The following CTNNBL1 variants were observed in gnomAD, a reference collection of about 807,000 sequenced individuals.
The protein encoded by CTNNBL1 is beta-catenin-like protein 1.
In CTNNBL1, 31 loss-of-function variants were observed where a neutral mutation model predicts 72.7. The ratio of observed to expected loss-of-function variants is 0.43; its 90% CI spans 0.32 to 0.58. The LOEUF is 0.58. Among genes scored for constraint, CTNNBL1 ranks in the 20% least tolerant of loss-of-function variants. CTNNBL1 has a pLI of 0.08. For synonymous variants in CTNNBL1, 240 were observed against 267.3 expected, an observed-to-expected ratio of 0.90 and a Z score of 1.00; for missense variants, 534 against 725.1, an observed-to-expected ratio of 0.74 and a Z score of 3.03.
chr20:37,721,547 C>T (rs1300571461), intron 1 of CTNNBL1, among the ~76,000 whole-genome samples: 1 of 152,148 alleles, frequency 6.6e-6, no homozygotes. Context: ...TGTGCATAAT[C>T]ACACCATTTT....
At chr20:37,704,113 G>A (rs2072866346) in intron 1 of CTNNBL1, among the ~76,000 whole-genome samples, 1 of 152,168 alleles carries the variant, frequency 6.6e-6, no homozygotes, top group African/African-American at 2.4e-5. Flanking sequence ...AGGCTCATGA[G>A]CACAGAGCCT....
At chr20:37,840,350 T>A in intron 12 of CTNNBL1, 151 bp downstream of exon 12, 2 of 620,328 alleles carry the variant, frequency 3.2e-6, no homozygotes, top group Admixed American at 5.4e-5. Context: ...TCAAAGGCTC[T>A]TCTGGTTATT....
chr20:37,860,385 A>C lies in CTNNBL1; in HGVS notation c.1603+41A>C, dbSNP rs1188079037. 4 of 1,454,758 alleles carry C rather than the reference A, an allele frequency of 2.7e-6. No individual in the cohort carries two copies. The Admixed American group carries it at 6.7e-5, about 24-fold the overall frequency. The allele number at this position is 1,454,758 out of a possible 1,614,324, so 90.1% of individuals were successfully genotyped here. On this transcript the variant is annotated intron_variant, in intron 15 of 15. Coordinates refer to ENST00000361383, the MANE Select transcript of CTNNBL1 (RefSeq NM_030877.5). ...CTCATGTCTGGGGCTCCAGAGGATT[A>C]GATGATGCTTACTTTCTGAGCCTCT...
intron 10 of CTNNBL1, among the ~76,000 whole-genome samples, chr20:37,789,693 A>G (rs1568781631): frequency 6.6e-6 from 1 of 152,240 alleles, no homozygotes; most frequent in Non-Finnish European, 1.5e-5. Flanking sequence ...AGGTTTAATT[A>G]TAGCCTGCAC....
At chr20:37,731,952 T>C (rs907806970) in intron 1 of CTNNBL1, among the ~76,000 whole-genome samples, 4 of 152,256 alleles carry the variant, frequency 2.6e-5, no homozygotes, top group Non-Finnish European at 5.9e-5. Flanking sequence ...CTGGATCATA[T>C]GATAATTCTA....
At chr20:37,786,919 T>A (rs16986932) in intron 10 of CTNNBL1, among the ~76,000 whole-genome samples, 2 of 152,186 alleles carry the variant, frequency 1.3e-5, no homozygotes, top group Non-Finnish European at 2.9e-5. Flanking sequence ...GGCCTTATAC[T>A]TGGGTAGTTT....
At chr20:37,789,391 A>G (rs541364853) in intron 10 of CTNNBL1, among the ~76,000 whole-genome samples, 1 of 152,366 alleles carries the variant, frequency 6.6e-6, no homozygotes, top group Admixed American at 6.5e-5. Flanking sequence ...ACATGAATGA[A>G]GTGGTAGTTT....
chr20:37,829,625 GCTTT>G (rs1350476462), intron 11 of CTNNBL1, among the ~76,000 whole-genome samples: 1 of 152,042 alleles, frequency 6.6e-6, no homozygotes, highest in African/African-American at 2.4e-5. Flanking sequence ...CGTATCCTGT[GCTTT>G]CTAATTTAAT....
chr20:37,797,027 T>C (rs967443792), intron 10 of CTNNBL1, among the ~76,000 whole-genome samples: 3 of 152,220 alleles, frequency 2.0e-5, no homozygotes, highest in Non-Finnish European at 4.4e-5. Flanking sequence ...GAGCTGATGG[T>C]GCACATCTCT....
intron 13 of CTNNBL1, among the ~76,000 whole-genome samples, chr20:37,858,801 G>A (rs1157058540): frequency 2.0e-5 from 3 of 152,092 alleles, no homozygotes; most frequent in Admixed American, 2.0e-4. Flanking sequence ...AGAGGTCTAG[G>A]GTTACAAAGG....
intron 4 of CTNNBL1, among the ~76,000 whole-genome samples, chr20:37,747,378 CAAAAAAAAAAA>C (rs11476313): frequency 2.3e-5 from 1 of 42,928 alleles, no homozygotes; most frequent in African/African-American, 7.7e-5. Context: ...GACTCCATCT[CAAAAAAAAAAA>C]AAAAAAAAAA....
At chr20:37,751,785 T>A (rs765288657) in intron 4 of CTNNBL1, 1 of 152,192 alleles carries the variant, frequency 6.6e-6, no homozygotes, top group Non-Finnish European at 1.5e-5. Flanking sequence ...GGGAGGGAGT[T>A]GGTATTTGCT....
intron 3 of CTNNBL1, 29 bp downstream of exon 3, chr20:37,737,513 C>G (rs1196935644): frequency 6.8e-7 from 1 of 1,465,188 alleles, no homozygotes; most frequent in Non-Finnish European, 9.5e-7. Context: ...GATACCATGT[C>G]TCCTCTGTGG....
chr20:37,816,853 A>T (rs1002262488), intron 11 of CTNNBL1, among the ~76,000 whole-genome samples: 1 of 151,856 alleles, frequency 6.6e-6, no homozygotes, highest in Non-Finnish European at 1.5e-5. Context: ...TGTCTATGTT[A>T]AGTATGCCTG....
intron 13 of CTNNBL1, among the ~76,000 whole-genome samples, chr20:37,857,416 C>G (rs548156247): frequency 6.6e-6 from 1 of 152,208 alleles, no homozygotes; most frequent in Non-Finnish European, 1.5e-5. Flanking sequence ...CAACACCCCC[C>G]AGGCCAAAGC....
chr20:37,817,652 C>T (rs1004598706), intron 11 of CTNNBL1, among the ~76,000 whole-genome samples: 1 of 152,170 alleles, frequency 6.6e-6, no homozygotes, highest in Non-Finnish European at 1.5e-5. Flanking sequence ...AGACGAATCA[C>T]CTGGAGATCT....
chr20:37,868,619 C>T (rs555870843), intron 15 of CTNNBL1, among the ~76,000 whole-genome samples: 2 of 152,284 alleles, frequency 1.3e-5, no homozygotes, highest in East Asian at 3.9e-4. Context: ...CTGTTTGCTT[C>T]TTAGCACAGT....
chr20:37,788,984 C>T (rs188501749), intron 10 of CTNNBL1, among the ~76,000 whole-genome samples: 17 of 152,246 alleles, frequency 1.1e-4, no homozygotes, highest in Admixed American at 4.6e-4. Flanking sequence ...TTGTTTTTCT[C>T]TCTTTGCCAA....
At chr20:37,743,990 C>T (rs2073241025) in intron 3 of CTNNBL1, among the ~76,000 whole-genome samples, 1 of 151,636 alleles carries the variant, frequency 6.6e-6, no homozygotes, top group African/African-American at 2.4e-5. Context: ...GAAAAAAAAA[C>T]CTTTATGTCA....
Sources: allele counts gnomAD v4.1 joint callset (sites outside exome capture counted in the v4.1 genomes callset), GRCh38; gene constraint gnomAD v4.1.1; transcripts MANE v1.5; gene names NCBI Gene and HGNC (gene_info 2026-07-23, HGNC 2026-07-21).